The following ZYG11A variants were observed in gnomAD, a reference collection of about 807,000 sequenced individuals.
ZYG11A encodes the protein zyg-11 family member A, cell cycle regulator.
In ZYG11A, 62 loss-of-function variants were observed where a neutral mutation model predicts 77.2. That is an observed-to-expected ratio of 0.80 (90% CI 0.65 to 0.99). The LOEUF is 0.99. Among genes scored for constraint, ZYG11A ranks in the 50% least tolerant of loss-of-function variants. The pLI is 0.00. For synonymous variants in ZYG11A, 315 were observed against 324.6 expected (o/e 0.97, Z 0.32); for missense variants, 828 against 896.8 (o/e 0.92, Z 0.98).
intron 6 of ZYG11A, among the ~76,000 whole-genome samples, chr1:52,867,244 C>G (rs1646043106): frequency 6.6e-6 from 1 of 152,182 alleles, no homozygotes; most frequent in Non-Finnish European, 1.5e-5. Context: ...ACTCTGGAAA[C>G]TCCCTTTCTT....
chr1:52,847,879 TA>T (rs1332698095), intron 1 of ZYG11A, among the ~76,000 whole-genome samples: 1 of 48,828 alleles, frequency 2.0e-5, no homozygotes, highest in African/African-American at 5.4e-5. Flanking sequence ...TTTATTTATT[TA>T]TTTTTTTGAG....
intron 11 of ZYG11A, among the ~76,000 whole-genome samples, chr1:52,884,965 G>A (rs1015587853): frequency 1.3e-5 from 2 of 151,808 alleles, no homozygotes; most frequent in African/African-American, 4.8e-5. Flanking sequence ...GTGCAGTGCA[G>A]TGGCGCCATC....
At chr1:52,887,776 A>C (rs938411833) in intron 13 of ZYG11A, among the ~76,000 whole-genome samples, 1 of 152,094 alleles carries the variant, frequency 6.6e-6, no homozygotes, top group African/African-American at 2.4e-5. Context: ...AGTGAAGCCA[A>C]AGTGGAAGTA....
intron 1 of ZYG11A, among the ~76,000 whole-genome samples, chr1:52,852,121 G>A (rs1242887423): frequency 6.6e-6 from 1 of 151,650 alleles, no homozygotes; most frequent in Non-Finnish European, 1.5e-5. Context: ...TCACTATGTT[G>A]GCCAGGCTGG....
Position 52,894,711 on chromosome 1 carries a change from C to T in ZYG11A, c.*1754C>T, listed in dbSNP as rs1646595825. 6.6e-6 allele frequency: 1 copy of T among 152,208 alleles called. No individual in the cohort carries two copies. The highest frequency in any genetic ancestry group is 1.5e-5 in the Non-Finnish European group (1 of 68,044). The allele number at this position is 152,208 out of a possible 1,614,324, so 9.4% of individuals were successfully genotyped here. On this transcript the variant is annotated 3_prime_UTR_variant, in exon 14 of 14. Coordinates refer to ENST00000371528, the MANE Select transcript of ZYG11A (RefSeq NM_001004339.3). ...CCATGTTCCAAACTATTACCAGAGT[C>T]CAACCAGATAAGCAGAATTTGTAAC...
intron 1 of ZYG11A, among the ~76,000 whole-genome samples, chr1:52,846,217 C>A (rs1645574170): frequency 6.6e-6 from 1 of 150,606 alleles, no homozygotes; most frequent in Non-Finnish European, 1.5e-5. Context: ...ATTAGCCTGC[C>A]TGTTAATGAA....
At chr1:52,882,880 T>C (rs1272519543) in intron 11 of ZYG11A, among the ~76,000 whole-genome samples, 2 of 152,004 alleles carry the variant, frequency 1.3e-5, no homozygotes, top group Non-Finnish European at 2.9e-5. Flanking sequence ...TGTGGGTTTA[T>C]TTTCATATAT....
chr1:52,860,246 C>G (rs1351105594), intron 3 of ZYG11A, among the ~76,000 whole-genome samples: 1 of 152,118 alleles, frequency 6.6e-6, no homozygotes, highest in Non-Finnish European at 1.5e-5. Flanking sequence ...CGAGGTCTCA[C>G]TATGTTGTCC....
intron 1 of ZYG11A, among the ~76,000 whole-genome samples, chr1:52,846,579 G>C (rs1203715616): frequency 6.6e-6 from 1 of 151,460 alleles, no homozygotes; most frequent in Admixed American, 6.6e-5. Flanking sequence ...TTGAACTCAT[G>C]ATCCATCCAC....
At position 52,842,775 on chromosome 1, in the gene ZYG11A, C is replaced by T. The variant is rs1321159116; in HGVS notation, c.-109C>T. 1.9e-6 allele frequency: 2 copies of T among 1,064,940 alleles called. No homozygotes were observed. Among genetic ancestry groups the T allele is most frequent in the Non-Finnish European group, 2.7e-6 (2 of 742,418 alleles). The allele number at this position is 1,064,940 out of a possible 1,614,324, so 66.0% of individuals were successfully genotyped here. ...AGGGCGCGGCGCTAGCTCCGTGTGC[C>T]TCGCAGGCGTGGTGGGCGCGTCCTG... is the stretch of plus-strand genomic sequence containing the variant. On this transcript the variant is annotated 5_prime_UTR_variant, in exon 1 of 14. Coordinates refer to ENST00000371528, the MANE Select transcript of ZYG11A (RefSeq NM_001004339.3).
At chr1:52,850,048 G>A (rs1645678778) in intron 1 of ZYG11A, among the ~76,000 whole-genome samples, 1 of 152,130 alleles carries the variant, frequency 6.6e-6, no homozygotes, top group Non-Finnish European at 1.5e-5. Flanking sequence ...GGGGCACCAT[G>A]GTTTTCAACT....
rs1646568132 is a variant in ZYG11A, at chr1:52,892,782, C to G, written c.2105C>G (p.Pro702Arg). 6.4e-7 allele frequency: 1 copy of G among 1,551,136 alleles called. No homozygotes were observed. Among genetic ancestry groups the G allele is most frequent in the Admixed American group, 2.0e-5 (1 of 50,924 alleles). ...WAMYHVCSKNPSKYCKMLVEE... is the reference protein window; with the variant it reads ...WAMYHVCSKNRSKYCKMLVEE... Reference sequence around the variant, plus strand: ...GTGTCTCTGCTTGATTTTCTTTCAGCCAGCAAATACTGCAAAATGTTAGTT... The same window carrying G: ...GTGTCTCTGCTTGATTTTCTTTCAGGCAGCAAATACTGCAAAATGTTAGTT... Residue 702 changes from proline (P) to arginine (R), a missense_variant and splice_region_variant, in exon 14 of 14, where the codon CCC becomes CGC. Coordinates refer to ENST00000371528, the MANE Select transcript of ZYG11A (RefSeq NM_001004339.3).
intron 10 of ZYG11A, among the ~76,000 whole-genome samples, chr1:52,878,401 A>G (rs80064840): frequency 0.027 from 4,170 of 152,224 alleles, 155 homozygotes; most frequent in East Asian, 0.2. Flanking sequence ...CCACATGGCA[A>G]TCTCTAGAGG....
chr1:52,870,188 GCGGCCGGGAAGAGACGC>G (rs1646128578), intron 8 of ZYG11A, among the ~76,000 whole-genome samples: 1 of 66,016 alleles, frequency 1.5e-5, no homozygotes, highest in Non-Finnish European at 6.3e-5. Context: ...AGATGGGATG[GCGGCCGGGAAGAGACGC>G]TCGTCACTTC....
At chr1:52,885,327 G>GTTTTCTGGGTTTTTGTTTTT (rs1212272618) in intron 11 of ZYG11A, among the ~76,000 whole-genome samples, 4 of 139,292 alleles carry the variant, frequency 2.9e-5, no homozygotes, top group Non-Finnish European at 6.2e-5. Context: ...TTTGTGTTTT[G>GTTTTCTGGGTTTTTGTTTTT]TTTTTTGGGT....
chr1:52,871,041 C>T (rs1170116438), intron 8 of ZYG11A, among the ~76,000 whole-genome samples: 3 of 152,088 alleles, frequency 2.0e-5, no homozygotes, highest in African/African-American at 7.2e-5. Flanking sequence ...TTTATTTTCA[C>T]GTAGTTGAAT....
At chr1:52,846,749 G>GATTATA (rs1645593049) in intron 1 of ZYG11A, among the ~76,000 whole-genome samples, 1 of 151,972 alleles carries the variant, frequency 6.6e-6, no homozygotes, top group Non-Finnish European at 1.5e-5. Flanking sequence ...AATTTTTAAC[G>GATTATA]TGGTATATGT....
intron 11 of ZYG11A, 101 bp downstream of exon 11, chr1:52,881,766 A>T: frequency 1.0e-6 from 1 of 967,502 alleles, no homozygotes; most frequent in Non-Finnish European, 1.5e-6. Flanking sequence ...AAAGTGGGAA[A>T]AATAGAGAAA....
chr1:52,853,151 G>T (rs1645745261), intron 1 of ZYG11A, among the ~76,000 whole-genome samples: 1 of 152,206 alleles, frequency 6.6e-6, no homozygotes, highest in African/African-American at 2.4e-5. Flanking sequence ...CCTTGTGATC[G>T]TGTGGCTGAC....
Sources: allele counts gnomAD v4.1 joint callset (sites outside exome capture counted in the v4.1 genomes callset), GRCh38; gene constraint gnomAD v4.1.1; transcripts MANE v1.5; gene names NCBI Gene and HGNC (gene_info 2026-07-23, HGNC 2026-07-21).